GMDS: variants seen among roughly 807,000 people sequenced by gnomAD.
GMDS encodes GDP-mannose 4,6 dehydratase.
In GMDS, 20 loss-of-function variants were observed where a neutral mutation model predicts 49.9. The observed-to-expected ratio is 0.40, with a 90% CI of 0.28 to 0.58. The LOEUF (loss-of-function observed/expected upper bound fraction) is 0.58. GMDS is among the 20% of genes least tolerant of loss of function. The pLI is 0.42. For synonymous variants in GMDS, 177 were observed against 178.6 expected, an observed-to-expected ratio of 0.99 and a Z score of 0.07; for missense variants, 362 against 481.4, an observed-to-expected ratio of 0.75 and a Z score of 2.32.
chr6:1,713,373 C>G (rs147730573), intron 9 of GMDS, among the ~76,000 whole-genome samples: 201 of 152,328 alleles, frequency 1.3e-3, no homozygotes, highest in African/African-American at 4.5e-3. Context: ...AGGCACAGGC[C>G]CTGGCTGCTC....
At chr6:1,779,499 A>T (rs1768987905) in intron 7 of GMDS, among the ~76,000 whole-genome samples, 1 of 152,164 alleles carries the variant, frequency 6.6e-6, no homozygotes, top group South Asian at 2.1e-4. Context: ...CTCTGGAAGG[A>T]AAGTTTTTGA....
intron 4 of GMDS, among the ~76,000 whole-genome samples, chr6:2,029,336 G>A (rs1015208804): frequency 1.3e-5 from 2 of 151,986 alleles, no homozygotes; most frequent in Non-Finnish European, 2.9e-5. Context: ...GTGACTGTCC[G>A]GTTTGTCAAC....
chr6:2,221,506 A>G (rs1439547042), intron 1 of GMDS, among the ~76,000 whole-genome samples: 1 of 151,976 alleles, frequency 6.6e-6, no homozygotes, highest in Non-Finnish European at 1.5e-5. Context: ...CTCCTGCCTC[A>G]GCCTCCAGAG....
chr6:2,069,726 T>C (rs1056717576), intron 4 of GMDS, among the ~76,000 whole-genome samples: 2 of 152,126 alleles, frequency 1.3e-5, no homozygotes, highest in Non-Finnish European at 2.9e-5. Flanking sequence ...AGATACCATC[T>C]CACACCAGTT....
intron 4 of GMDS, among the ~76,000 whole-genome samples, chr6:2,111,515 A>C (rs1178905510): frequency 2.6e-5 from 4 of 152,160 alleles, no homozygotes. Flanking sequence ...GGTTTCCTAC[A>C]GGAAACCAGA....
At chr6:1,953,108 C>T (rs568060968) in intron 6 of GMDS, among the ~76,000 whole-genome samples, 4 of 152,224 alleles carry the variant, frequency 2.6e-5, no homozygotes, top group East Asian at 1.9e-4. Flanking sequence ...TGATCTCCTG[C>T]GGAAAGCAAA....
At chr6:1,944,851 T>C (rs915495909) in intron 6 of GMDS, among the ~76,000 whole-genome samples, 3 of 152,216 alleles carry the variant, frequency 2.0e-5, no homozygotes, top group Admixed American at 2.0e-4. Context: ...GATGCAATCA[T>C]GTCTCCTTCC....
At chr6:2,039,861 C>T (rs543534710) in intron 4 of GMDS, among the ~76,000 whole-genome samples, 53 of 152,258 alleles carry the variant, frequency 3.5e-4, no homozygotes, top group Non-Finnish European at 6.9e-4. Context: ...GTATAATAAG[C>T]ACATAAACTA....
At chr6:1,661,756 A>T (rs902941764) in intron 9 of GMDS, among the ~76,000 whole-genome samples, 2 of 152,266 alleles carry the variant, frequency 1.3e-5, no homozygotes, top group African/African-American at 4.8e-5. Context: ...AAGCTCTAGC[A>T]AATCCACTGC....
chr6:1,709,441 ATCTGACAT>A (rs1381216611), intron 9 of GMDS, among the ~76,000 whole-genome samples: 1 of 152,218 alleles, frequency 6.6e-6, no homozygotes, highest in Non-Finnish European at 1.5e-5. Context: ...CAATTTCCTC[ATCTGACAT>A]GACAACAGTG....
At chr6:2,159,506 CTTTT>C (rs968406886) in intron 1 of GMDS, among the ~76,000 whole-genome samples, 2 of 134,946 alleles carry the variant, frequency 1.5e-5, no homozygotes, top group African/African-American at 5.4e-5. Context: ...TTCAATATTT[CTTTT>C]TTTCTTTTTT....
At chr6:2,010,660 C>T (rs1281176369) in intron 4 of GMDS, among the ~76,000 whole-genome samples, 1 of 152,022 alleles carries the variant, frequency 6.6e-6, no homozygotes, top group Non-Finnish European at 1.5e-5. Context: ...TAAACAAAAA[C>T]TATACCAAAT....
At chr6:2,010,761 A>T (rs903248428) in intron 4 of GMDS, among the ~76,000 whole-genome samples, 1 of 152,236 alleles carries the variant, frequency 6.6e-6, no homozygotes, top group African/African-American at 2.4e-5. Context: ...AAATTGTTTT[A>T]AAAATTGTTT....
At chr6:1,667,825 ATG>A (rs1491066495) in intron 9 of GMDS, among the ~76,000 whole-genome samples, 3 of 151,788 alleles carry the variant, frequency 2.0e-5, no homozygotes, top group Admixed American at 2.0e-4. Flanking sequence ...ATGAAAAAAA[ATG>A]TGCCCCACTT....
intron 9 of GMDS, among the ~76,000 whole-genome samples, chr6:1,682,120 C>CT (rs1392749784): frequency 6.6e-6 from 1 of 152,134 alleles, no homozygotes; most frequent in Non-Finnish European, 1.5e-5. Context: ...TATGAAATGC[C>CT]TTTTCCTCCC....
chr6:2,189,756 A>C (rs143570642), intron 1 of GMDS, among the ~76,000 whole-genome samples: 1 of 152,344 alleles, frequency 6.6e-6, no homozygotes, highest in East Asian at 1.9e-4. Context: ...CTCAGTCTGT[A>C]TTCTACCCGT....
chr6:1,673,864 T>C (rs1764505442), intron 9 of GMDS, among the ~76,000 whole-genome samples: 1 of 152,026 alleles, frequency 6.6e-6, no homozygotes, highest in Non-Finnish European at 1.5e-5. Flanking sequence ...CTTTCATGGC[T>C]TGATAGCTCA....
At chr6:2,181,897 T>C (rs1048321712) in intron 1 of GMDS, among the ~76,000 whole-genome samples, 1 of 152,202 alleles carries the variant, frequency 6.6e-6, no homozygotes, top group Admixed American at 6.5e-5. Flanking sequence ...TCTCTCACTT[T>C]AAATAAAAAG....
intron 1 of GMDS, among the ~76,000 whole-genome samples, chr6:2,231,066 C>A (rs1422397322): frequency 6.6e-6 from 1 of 151,392 alleles, no homozygotes; most frequent in Non-Finnish European, 1.5e-5. Flanking sequence ...ACAACAAGAT[C>A]TGTCACCACC....
Sources: allele counts gnomAD v4.1 joint callset (sites outside exome capture counted in the v4.1 genomes callset), GRCh38; gene constraint gnomAD v4.1.1; transcripts MANE v1.5; gene names NCBI Gene and HGNC (gene_info 2026-07-23, HGNC 2026-07-21).